The following SRRM4 variants were observed in gnomAD, a reference collection of about 807,000 sequenced individuals.
SRRM4 encodes serine/arginine repetitive matrix protein 4.
Under a neutral mutation model 68.9 loss-of-function variants are expected in SRRM4, and 33 were observed. The ratio of observed to expected loss-of-function variants is 0.48; its 90% CI spans 0.36 to 0.64. SRRM4 has a LOEUF of 0.64. Ranked by LOEUF, SRRM4 falls within the 30% of genes least tolerant of loss-of-function variation. SRRM4 has a pLI of 0.00. For missense variants in SRRM4, 817 were observed against 827.1 expected (o/e 0.99, Z 0.15); for synonymous variants, 318 against 318.8 (o/e 1.00, Z 0.03).
At chr12:119,044,410 A>T (rs1157560374) in intron 1 of SRRM4, among the ~76,000 whole-genome samples, 1 of 152,328 alleles carries the variant, frequency 6.6e-6, no homozygotes, top group Admixed American at 6.5e-5. Context: ...ACAGGCCCAG[A>T]GTTTTTATTA....
intron 8 of SRRM4, among the ~76,000 whole-genome samples, chr12:119,136,767 G>A (rs1954331327): frequency 6.6e-6 from 1 of 152,104 alleles, no homozygotes; most frequent in East Asian, 1.9e-4. Flanking sequence ...GGTGGGCAGG[G>A]GGTCCTCAGG....
chr12:119,102,879 A>G (rs1290556062), intron 2 of SRRM4, among the ~76,000 whole-genome samples: 1 of 152,174 alleles, frequency 6.6e-6, no homozygotes, highest in South Asian at 2.1e-4. Flanking sequence ...ATGGCACTGT[A>G]CTAGCACACA....
chr12:119,119,845 C>T lies in SRRM4; in HGVS notation c.438-405C>T, dbSNP rs552869527. Among the ~76,000 whole-genome samples, 5 of 152,136 alleles carry T rather than the reference C, an allele frequency of 3.3e-5. No individual in the cohort carries two copies. The South Asian group carries it at 8.3e-4, about 25-fold the overall frequency. Reference sequence around the variant, plus strand: ...GGGGAAAGGCAGAAGACTCTCTCTACGTTCTCCTTATCCAGCCTCATCCAG... The same window carrying T: ...GGGGAAAGGCAGAAGACTCTCTCTATGTTCTCCTTATCCAGCCTCATCCAG... On this transcript the variant is annotated intron_variant, in intron 4 of 12. Coordinates refer to ENST00000267260, the MANE Select transcript of SRRM4 (RefSeq NM_194286.4).
intron 2 of SRRM4, 126 bp downstream of exon 2, chr12:119,102,508 T>G: frequency 1.4e-6 from 1 of 717,502 alleles, no homozygotes; most frequent in Non-Finnish European, 2.2e-6. Context: ...AGTAAATATT[T>G]ACCGTAGAGG....
intron 9 of SRRM4, among the ~76,000 whole-genome samples, chr12:119,147,937 A>C (rs1272357719): frequency 1.3e-5 from 2 of 152,194 alleles, no homozygotes; most frequent in Non-Finnish European, 2.9e-5. Context: ...TTTATTCCTC[A>C]ACTTGTTTAT....
chr12:119,015,093 G>C (rs1953473060), intron 1 of SRRM4, among the ~76,000 whole-genome samples: 2 of 152,176 alleles, frequency 1.3e-5, no homozygotes, highest in South Asian at 4.1e-4. Context: ...CTGAACTACA[G>C]GTGTGGATAT....
chr12:119,026,740 G>A (rs751688940), intron 1 of SRRM4, among the ~76,000 whole-genome samples: 1 of 151,868 alleles, frequency 6.6e-6, no homozygotes, highest in Non-Finnish European at 1.5e-5. Flanking sequence ...GTAGAGACAG[G>A]GTTTCAACAG....
rs74825717 is a variant in SRRM4 at position 119,154,087 on chromosome 12, C to T, written c.1392-156C>T. Among the ~76,000 whole-genome samples, 2,178 of 152,216 alleles carry T rather than the reference C, an allele frequency of 0.014. 61 individuals are homozygous for T. Among genetic ancestry groups the T allele is most frequent in the African/African-American group, 0.05 (2,063 of 41,512 alleles). ...AACCCTCGCAGACTCTTACCGCAGCCCCGTCATCCTCCCTCCGGTCTCCCT... is the reference window on the plus strand; with the variant it reads ...AACCCTCGCAGACTCTTACCGCAGCTCCGTCATCCTCCCTCCGGTCTCCCT... On this transcript the variant is annotated intron_variant, in intron 11 of 12. Coordinates refer to ENST00000267260, the MANE Select transcript of SRRM4 (RefSeq NM_194286.4). This position sits in a 1 kb window ranked among gnomAD's most constrained non-coding sequence, Gnocchi z 4.7.
At chr12:118,997,661 A>G (rs1293091953) in intron 1 of SRRM4, among the ~76,000 whole-genome samples, 5 of 152,222 alleles carry the variant, frequency 3.3e-5, no homozygotes, top group Non-Finnish European at 7.3e-5. Context: ...CCCTGAGGCA[A>G]TAAGAGTAGA....
intron 6 of SRRM4, among the ~76,000 whole-genome samples, 164 bp downstream of exon 6, chr12:119,122,284 CAGGAAGGCAGGAAGGA>C (rs1246843558): frequency 1.1e-3 from 104 of 97,776 alleles, no homozygotes; most frequent in South Asian, 6.3e-3. Context: ...GGCAGGAAGG[CAGGAAGGCAGGAAGGA>C]AGGAAGGAAG....
intron 1 of SRRM4, among the ~76,000 whole-genome samples, chr12:119,015,925 C>T (rs560336359): frequency 2.0e-4 from 31 of 152,188 alleles, no homozygotes; most frequent in South Asian, 1.9e-3. Context: ...TGTAAATACA[C>T]GCCTTGCATA....
chr12:119,129,564 GAC>G (rs1954281052), intron 7 of SRRM4, among the ~76,000 whole-genome samples: 1 of 152,162 alleles, frequency 6.6e-6, no homozygotes, highest in Non-Finnish European at 1.5e-5. Flanking sequence ...AACACAGATG[GAC>G]ACACCCAGAC....
chr12:119,152,323 A>G (rs1393949848), intron 10 of SRRM4, among the ~76,000 whole-genome samples: 1 of 152,222 alleles, frequency 6.6e-6, no homozygotes, highest in Non-Finnish European at 1.5e-5. Flanking sequence ...CATAAATAGA[A>G]GAGCAAATCA....
At chr12:119,129,210 A>G (rs1954278749) in intron 7 of SRRM4, among the ~76,000 whole-genome samples, 1 of 142,800 alleles carries the variant, frequency 7.0e-6, no homozygotes, top group Non-Finnish European at 1.5e-5. Flanking sequence ...TTCAAGTTGT[A>G]GGGAAAACTG....
chr12:119,124,171 T>G (rs904757442), intron 6 of SRRM4: 1 of 152,248 alleles, frequency 6.6e-6, no homozygotes, highest in Non-Finnish European at 1.5e-5. Context: ...ATGAAGTATG[T>G]GTTAGATGTG....
At chr12:119,137,165 C>T (rs1431583686) in intron 8 of SRRM4, among the ~76,000 whole-genome samples, 7 of 151,776 alleles carry the variant, frequency 4.6e-5, no homozygotes, top group Non-Finnish European at 1.5e-5. Context: ...CAGCTCCACA[C>T]TCACATGAGA....
intron 10 of SRRM4, 138 bp downstream of exon 10, chr12:119,151,358 G>C: frequency 1.3e-6 from 1 of 760,956 alleles, no homozygotes; most frequent in Non-Finnish European, 2.2e-6. Context: ...TTTCGAGCTG[G>C]TGGCCTTGGG....
intron 1 of SRRM4, among the ~76,000 whole-genome samples, chr12:118,982,664 ATTTTGTTTTT>A (rs1445139937): frequency 2.7e-4 from 16 of 59,452 alleles, no homozygotes; most frequent in South Asian, 5.1e-4. Context: ...GAAGAGTTTT[ATTTTGTTTTT>A]TTTTGTTTTT....
chr12:119,011,782 C>G (rs1010951296), intron 1 of SRRM4, among the ~76,000 whole-genome samples: 2 of 152,102 alleles, frequency 1.3e-5, no homozygotes, highest in Non-Finnish European at 2.9e-5. Context: ...ATAGGGAGAC[C>G]AGTGCCATTG....
Sources: gnomAD v4.1 joint callset for allele counts (sites outside exome capture counted in the v4.1 genomes callset) on GRCh38, gnomAD v4.1.1 for gene constraint, Gnocchi (gnomAD v3.1) non-coding constraint, MANE v1.5 for transcripts, NCBI Gene and HGNC (gene_info 2026-07-23, HGNC 2026-07-21) for gene names.